The following CEP126 variants were observed in gnomAD, a reference collection of about 807,000 sequenced individuals.
CEP126 encodes centrosomal protein 126, also known as centrosomal protein of 126 kDa.
CEP126 carries 74 observed loss-of-function variants against 107.8 expected under a neutral mutation model. The observed-to-expected ratio is 0.69, with a 90% confidence interval of 0.57 to 0.83. The LOEUF (loss-of-function observed/expected upper bound fraction) is 0.83. CEP126 is among the 40% of genes least tolerant of loss of function. CEP126 has a pLI of 0.00. For missense variants in CEP126, 1,237 were observed against 1,281.9 expected (o/e 0.96, Z 0.53); for synonymous variants, 449 against 446.0 (o/e 1.01, Z -0.08).
chr11:101,919,654 CATACT>C (rs1940291910), intron 1 of CEP126, among the ~76,000 whole-genome samples: 1 of 152,106 alleles, frequency 6.6e-6, no homozygotes, highest in Admixed American at 6.5e-5. Flanking sequence ...CAGCAGGAAA[CATACT>C]ATACTATTAT....
At chr11:101,993,999 C>T (rs747286113) in intron 10 of CEP126, among the ~76,000 whole-genome samples, 13 of 152,076 alleles carry the variant, frequency 8.5e-5, no homozygotes, top group Non-Finnish European at 1.6e-4. Context: ...TTTGGGAGGC[C>T]GAGGCTGGCT....
intron 2 of CEP126, among the ~76,000 whole-genome samples, chr11:101,934,251 C>T (rs565966493): frequency 1.3e-5 from 2 of 152,010 alleles, no homozygotes; most frequent in African/African-American, 4.8e-5. Context: ...ATTATTCCAG[C>T]GATCATTCTT....
At chr11:101,985,235 A>G (rs1035631037) in intron 8 of CEP126, among the ~76,000 whole-genome samples, 1 of 152,100 alleles carries the variant, frequency 6.6e-6, no homozygotes, top group Non-Finnish European at 1.5e-5. Flanking sequence ...ATATTATATA[A>G]AATTACCTTC....
At chr11:101,919,751 G>A (rs78885600) in intron 1 of CEP126, among the ~76,000 whole-genome samples, 2 of 152,266 alleles carry the variant, frequency 1.3e-5, no homozygotes, top group African/African-American at 4.8e-5. Context: ...CATTACATTT[G>A]TGATTTTCTT....
chr11:101,929,973 A>AATTTTTT (rs1591270540), intron 2 of CEP126, among the ~76,000 whole-genome samples: 1 of 118,114 alleles, frequency 8.5e-6, no homozygotes. Context: ...TTTAGTTAGG[A>AATTTTTT]CTTTTTTTTT....
At position 101,962,418 on chromosome 11, in the gene CEP126, G is replaced by A. The variant is rs764822997; in HGVS notation, c.1383G>A (p.Thr461=). ...SIPTSCVPVA[T]PLVLPSNIQS... ...CTACTTCATGTGTACCAGTGGCAAC[G>A]CCTTTAGTTTTGCCATCTAATATAC... Residue 461 remains threonine, a synonymous_variant, in exon 6 of 11, where the codon ACG becomes ACA. Transcript: ENST00000263468. The A allele has an allele frequency of 1.4e-4, 228 of 1,613,634 alleles. No homozygotes were observed. The highest frequency in any genetic ancestry group is 1.9e-4 in the Non-Finnish European group (219 of 1,179,814).
intron 6 of CEP126, among the ~76,000 whole-genome samples, chr11:101,970,301 G>A (rs1941110410): frequency 6.6e-6 from 1 of 152,166 alleles, no homozygotes; most frequent in African/African-American, 2.4e-5. Context: ...CAGCAGTGTG[G>A]GTATACCTCA....
Position 101,958,170 on chromosome 11 carries a change from CTATAGA to C in CEP126, c.511_516del (p.Ile171_Asp172del). ...CACTTTTTATGTCTGGTTCACAGAGCTATAGATTCTGCCTTGCCTTCCGCATTATCA... is the reference window on the plus strand; with the variant it reads ...CACTTTTTATGTCTGGTTCACAGAGCTTCTGCCTTGCCTTCCGCATTATCA... On this transcript the variant is annotated inframe_deletion, in exon 5 of 11. Transcript: ENST00000263468. The C allele has an allele frequency of 6.2e-7, 1 of 1,613,404 alleles. No homozygotes were observed. The highest frequency in any genetic ancestry group is 8.5e-7 in the Non-Finnish European group (1 of 1,179,712).
chr11:101,988,730 G>T (rs1033823285), intron 9 of CEP126, among the ~76,000 whole-genome samples: 2 of 151,698 alleles, frequency 1.3e-5, no homozygotes, highest in African/African-American at 4.8e-5. Flanking sequence ...TTAAAAATAT[G>T]TTCAGACAAA....
intron 2 of CEP126, among the ~76,000 whole-genome samples, chr11:101,939,110 T>C (rs1315444156): frequency 6.6e-6 from 1 of 152,238 alleles, no homozygotes; most frequent in African/African-American, 2.4e-5. Flanking sequence ...TCAAATATTC[T>C]ATATTCTTAC....
chr11:101,989,605 T>C (rs1941353298), intron 9 of CEP126, among the ~76,000 whole-genome samples: 1 of 152,144 alleles, frequency 6.6e-6, no homozygotes, highest in Non-Finnish European at 1.5e-5. Context: ...AAGTATAACT[T>C]TTCTTGAGCC....
intron 2 of CEP126, among the ~76,000 whole-genome samples, chr11:101,939,269 C>T (rs1419029241): frequency 2.0e-5 from 3 of 152,132 alleles, no homozygotes; most frequent in Non-Finnish European, 4.4e-5. Context: ...TGGGTTCATA[C>T]ATCTTTATAA....
chr11:101,918,443 G>A (rs550564908), intron 1 of CEP126, among the ~76,000 whole-genome samples: 142 of 152,208 alleles, frequency 9.3e-4, no homozygotes, highest in African/African-American at 3.2e-3. Context: ...GTGAGACCCT[G>A]TCTATAAATA....
Position 101,915,199 on chromosome 11 carries a change from GA to G in CEP126, c.-85del. On this transcript the variant is annotated 5_prime_UTR_variant, in exon 1 of 11. Coordinates refer to ENST00000263468, the MANE Select transcript of CEP126 (RefSeq NM_020802.4). The stretch of plus-strand genomic sequence containing the variant: ...CGGGGCCTGAGAGACGGAGTGTAGG[GA>G]GGGGCCGAGCAGGAGGAGGAGGAAG... 1 of 1,577,200 alleles carries G rather than the reference GA, an allele frequency of 6.3e-7. No homozygotes were observed. Among genetic ancestry groups the G allele is most frequent in the African/African-American group, 1.3e-5 (1 of 74,652 alleles).
intron 4 of CEP126, among the ~76,000 whole-genome samples, chr11:101,951,118 G>A (rs538371072): frequency 1.6e-4 from 24 of 152,214 alleles, no homozygotes; most frequent in African/African-American, 5.8e-4. Flanking sequence ...GGATGAGAGA[G>A]AAGAAAGAAT....
At chr11:101,928,069 G>T (rs569498172) in intron 2 of CEP126, among the ~76,000 whole-genome samples, 3 of 152,038 alleles carry the variant, frequency 2.0e-5, no homozygotes, top group Admixed American at 2.0e-4. Flanking sequence ...ATTCTGATAG[G>T]TATGCAGTAA....
chr11:101,954,636 T>TTA lies in CEP126; in HGVS notation c.507-3525_507-3524dup, dbSNP rs766312807. 3.5e-3 allele frequency among the ~76,000 whole-genome samples: 532 copies of TTA among 151,130 alleles called. 2 individuals carry two copies. Among genetic ancestry groups the TTA allele is most frequent in the East Asian group, 6.0e-3 (31 of 5,144 alleles). ...TCTATATCTATCTGTGTGTGTATGT[T>TTA]TATATATACATATATATATCACATA... On this transcript the variant is annotated intron_variant, in intron 4 of 10. Transcript: ENST00000263468.
At chr11:101,987,151 T>TTAACC in intron 9 of CEP126, 110 bp downstream of exon 9, 1 of 710,870 alleles carries the variant, frequency 1.4e-6, no homozygotes, top group Non-Finnish European at 2.3e-6. Flanking sequence ...TATATCCATA[T>TTAACC]TACCAACTAC....
At chr11:101,958,437 C>T (rs1402972433) in intron 5 of CEP126, 71 bp downstream of exon 5, 2 of 1,268,640 alleles carry the variant, frequency 1.6e-6, no homozygotes, top group African/African-American at 1.5e-5. Flanking sequence ...TTGCAGTGTT[C>T]TCCACTAAAG....
Sources: gnomAD v4.1 joint callset for allele counts (sites outside exome capture counted in the v4.1 genomes callset) on GRCh38, gnomAD v4.1.1 for gene constraint, MANE v1.5 for transcripts, NCBI Gene and HGNC (gene_info 2026-07-23, HGNC 2026-07-21) for gene names.